The following PCDHA9 variants were observed in gnomAD, a reference collection of about 807,000 sequenced individuals.
PCDHA9 encodes the protein protocadherin alpha-9.
PCDHA9 carries 62 observed loss-of-function variants against 62.0 expected under a neutral mutation model. The observed-to-expected ratio is 1.00, with a 90% CI of 0.81 to 1.23. The LOEUF (loss-of-function observed/expected upper bound fraction) is 1.23, where lower values mean the gene tolerates loss of function less well. Ranked by LOEUF, PCDHA9 falls within the 50% of genes most tolerant of loss-of-function variation. The probability of loss-of-function intolerance (pLI) is 0.00; values close to 1 mark genes in which losing one functional copy is unlikely to be tolerated. For synonymous variants in PCDHA9, 557 were observed against 567.6 expected, an observed-to-expected ratio of 0.98 and a Z score of 0.27; for missense variants, 1,205 against 1,249.8, an observed-to-expected ratio of 0.96 and a Z score of 0.54.
rs371868883 is a variant in PCDHA9 at position 140,856,649 on chromosome 5, C to A, written c.2394+5760C>A. ...GCTTGTTCTGCGGAAGCTGCTGGAT[C>A]GTGAAGAAAATCCTCAGCTAAAGTT... On this transcript the variant is annotated intron_variant, in intron 1 of 3. Transcript: ENST00000532602. 8 of 1,598,072 alleles carry A rather than the reference C, an allele frequency of 5.0e-6. 2 individuals carry two copies. The African/African-American group carries it at 6.7e-5, about 13-fold the overall frequency.
intron 1 of PCDHA9, among the ~76,000 whole-genome samples, chr5:140,946,637 G>T: frequency 1.5e-5 from 1 of 64,620 alleles, no homozygotes; most frequent in African/African-American, 1.0e-4. Flanking sequence ...TATATACAAT[G>T]GAATACTCAT....
rs2150431262 is a variant in PCDHA9, at chr5:140,849,147, G to A, written c.652G>A (p.Gly218Ser). ...LHLLLTATDG[G>S]KPELTGTVQL... ...TTTATTGCTCACGGCCACCGATGGA[G>A]GCAAACCCGAGCTGACTGGCACCGT... Residue 218 changes from glycine to serine, a missense_variant, in exon 1 of 4, where the codon GGC (glycine) becomes AGC (serine). By Grantham distance (56) the Gly-to-Ser change is moderately conservative. Transcript: ENST00000532602. 2.3e-6 allele frequency: 3 copies of A among 1,282,624 alleles called. No individual in the cohort carries two copies. The highest frequency in any genetic ancestry group is 2.7e-5 in the South Asian group (2 of 74,296). The allele number at this position is 1,282,624 out of a possible 1,614,324, so 79.5% of individuals were successfully genotyped here. A position where few individuals can be genotyped will look rare whatever the true frequency, so the allele number is the denominator to read the frequency against.
intron 1 of PCDHA9, chr5:140,859,867 TC>T (rs2046061567): frequency 6.6e-6 from 1 of 152,134 alleles, no homozygotes; most frequent in East Asian, 1.9e-4. Context: ...AATATATACT[TC>T]CCCCTCTGAT....
At chr5:140,942,618 G>A (rs2093340526) in intron 1 of PCDHA9, among the ~76,000 whole-genome samples, 1 of 97,740 alleles carries the variant, frequency 1.0e-5, no homozygotes. Context: ...TTTGCCAATT[G>A]TAAAAAAAAA....
At chr5:140,984,788 T>C (rs2097121100) in intron 3 of PCDHA9, among the ~76,000 whole-genome samples, 1 of 152,292 alleles carries the variant, frequency 6.6e-6, no homozygotes, top group Non-Finnish European at 1.5e-5. Context: ...TGGGTGAGCA[T>C]AGACAAACTG....
rs192376340 is a variant in PCDHA9, at chr5:140,857,538, G to T, written c.2394+6649G>T. The T allele has an allele frequency of 6.9e-6, 11 of 1,597,348 alleles. No individual in the cohort carries two copies. In the East Asian group the frequency reaches 2.0e-4, roughly 29 times the overall value. On this transcript the variant is annotated intron_variant, in intron 1 of 3. Transcript: ENST00000532602. Reference sequence around the variant, plus strand: ...GTGTCCTACTCTCTGGTGGAGCGGCGGTTGGGCGAGCGCTCGCTGTCGAGC... The same window carrying T: ...GTGTCCTACTCTCTGGTGGAGCGGCTGTTGGGCGAGCGCTCGCTGTCGAGC...
intron 1 of PCDHA9, among the ~76,000 whole-genome samples, chr5:140,959,259 C>T (rs781794121): frequency 4.6e-5 from 7 of 152,040 alleles, no homozygotes; most frequent in African/African-American, 7.2e-5. Flanking sequence ...TGACTGTAGT[C>T]CCAGCTACCC....
chr5:140,921,406 C>T (rs1436249655), intron 1 of PCDHA9, among the ~76,000 whole-genome samples: 8 of 152,092 alleles, frequency 5.3e-5, no homozygotes, highest in African/African-American at 1.9e-4. Flanking sequence ...CTAGATTTTC[C>T]TCTGTGCTGC....
At chr5:140,869,323 C>T in intron 1 of PCDHA9, 1 of 1,613,864 alleles carries the variant, frequency 6.2e-7, no homozygotes, top group South Asian at 1.1e-5. Flanking sequence ...ACATGGGGAC[C>T]TTCTGGAGGT....
At chr5:140,860,049 G>C (rs2046155952) in intron 1 of PCDHA9, 1 of 151,206 alleles carries the variant, frequency 6.6e-6, no homozygotes, top group Non-Finnish European at 1.5e-5. Context: ...AGCATTTTGA[G>C]AGGCCAAGGT....
intron 1 of PCDHA9, among the ~76,000 whole-genome samples, chr5:140,873,452 C>A (rs147398020): frequency 6.4e-4 from 97 of 152,122 alleles, no homozygotes; most frequent in Non-Finnish European, 1.1e-3. Context: ...AACAAATTTG[C>A]ATTTTAGATA....
intron 1 of PCDHA9, among the ~76,000 whole-genome samples, chr5:140,912,536 A>G (rs1554195402): frequency 2.0e-5 from 3 of 152,290 alleles, no homozygotes; most frequent in African/African-American, 4.8e-5. Flanking sequence ...GTACATGATC[A>G]TATTGTCAGC....
intron 1 of PCDHA9, among the ~76,000 whole-genome samples, chr5:140,931,548 G>C (rs2087590460): frequency 6.6e-6 from 1 of 151,968 alleles, no homozygotes; most frequent in African/African-American, 2.4e-5. Flanking sequence ...CTGTTCATAT[G>C]TGCAGGAATA....
intron 1 of PCDHA9, chr5:140,884,052 G>A (rs200938440): frequency 8.7e-6 from 14 of 1,613,472 alleles, no homozygotes; most frequent in African/African-American, 4.0e-5. Context: ...GCGAAGGTGC[G>A]CGCGGTGGAC....
chr5:140,916,840 C>G (rs1350788875), intron 1 of PCDHA9, among the ~76,000 whole-genome samples: 1 of 152,128 alleles, frequency 6.6e-6, no homozygotes, highest in African/African-American at 2.4e-5. Context: ...TGGTTCTGAG[C>G]CCAGCCCAGC....
chr5:140,978,898 G>A (rs2096827765), intron 1 of PCDHA9, 51 bp from the exon 2 acceptor site: 1 of 1,612,868 alleles, frequency 6.2e-7, no homozygotes. Flanking sequence ...GCATTCCTGG[G>A]AGAACATTGT....
At chr5:140,905,802 C>T (rs1043410620) in intron 1 of PCDHA9, among the ~76,000 whole-genome samples, 11 of 152,152 alleles carry the variant, frequency 7.2e-5, no homozygotes, top group African/African-American at 2.7e-4. Flanking sequence ...TCTAGAGGGA[C>T]AGAATTAATA....
intron 1 of PCDHA9, among the ~76,000 whole-genome samples, chr5:140,945,070 C>T (rs2093734077): frequency 6.6e-6 from 1 of 151,960 alleles, no homozygotes; most frequent in African/African-American, 2.4e-5. Context: ...ACAGACTCCA[C>T]CAAAACACTC....
intron 1 of PCDHA9, among the ~76,000 whole-genome samples, chr5:140,954,988 A>G (rs554115730): frequency 2.0e-5 from 3 of 152,204 alleles, no homozygotes; most frequent in Admixed American, 6.5e-5. Context: ...AATTTTCTGC[A>G]TATGGCTAGC....
Sources: allele counts gnomAD v4.1 joint callset (sites outside exome capture counted in the v4.1 genomes callset), GRCh38; gene constraint gnomAD v4.1.1; transcripts MANE v1.5; gene names NCBI Gene and HGNC (gene_info 2026-07-23, HGNC 2026-07-21).